ADAM12: variants seen among roughly 807,000 people sequenced by gnomAD.
ADAM12 encodes the protein ADAM metallopeptidase domain 12.
In ADAM12, 70 loss-of-function variants were observed where a neutral mutation model predicts 106.4. The observed-to-expected ratio is 0.66, with a 90% CI of 0.54 to 0.80. The LOEUF is 0.80. Among genes scored for constraint, ADAM12 ranks in the 30% least tolerant of loss-of-function variants. The pLI, the probability that ADAM12 is intolerant of heterozygous loss-of-function variation, is 0.00. For missense variants in ADAM12, 1,010 were observed against 1,171.9 expected (o/e 0.86, Z 2.02); for synonymous variants, 420 against 433.5 (o/e 0.97, Z 0.39).
At chr10:126,277,707 G>A (rs1049229619) in intron 3 of ADAM12, among the ~76,000 whole-genome samples, 2 of 152,058 alleles carry the variant, frequency 1.3e-5, no homozygotes, top group African/African-American at 4.8e-5. Context: ...TTAAGAGCAA[G>A]TCACAAGAAA....
chr10:126,254,433 T>C (rs1013067496), intron 3 of ADAM12, among the ~76,000 whole-genome samples: 1 of 152,178 alleles, frequency 6.6e-6, no homozygotes, highest in Admixed American at 6.5e-5. Flanking sequence ...GAACCTGCGG[T>C]CTGGTCAGCT....
At chr10:126,292,537 CA>C (rs1960199430) in intron 2 of ADAM12, among the ~76,000 whole-genome samples, 2 of 152,212 alleles carry the variant, frequency 1.3e-5, no homozygotes, top group Non-Finnish European at 2.9e-5. Context: ...AAGTTGGGTA[CA>C]AAGCCAAGGT....
chr10:126,327,103 ATG>A (rs1018286875), intron 2 of ADAM12, among the ~76,000 whole-genome samples: 4 of 105,340 alleles, frequency 3.8e-5, no homozygotes, highest in Non-Finnish European at 6.9e-5. Context: ...AAGAATGCAC[ATG>A]AGGAGAGAAT....
At chr10:126,277,590 AAT>A (rs1959329293) in intron 3 of ADAM12, among the ~76,000 whole-genome samples, 1 of 152,238 alleles carries the variant, frequency 6.6e-6, no homozygotes, top group Non-Finnish European at 1.5e-5. Context: ...TATGTAAAGA[AAT>A]AGAGTATGAA....
At chr10:126,033,284 A>G (rs1954001765) in intron 21 of ADAM12, among the ~76,000 whole-genome samples, 1 of 152,200 alleles carries the variant, frequency 6.6e-6, no homozygotes, top group South Asian at 2.1e-4. Context: ...TTGCCAGCAT[A>G]CCATTGGCTA....
At chr10:126,139,110 A>G (rs1346712596) in intron 4 of ADAM12, among the ~76,000 whole-genome samples, 3 of 152,218 alleles carry the variant, frequency 2.0e-5, no homozygotes, top group African/African-American at 4.8e-5. Context: ...TAAGCTACAC[A>G]ATAACCCATT....
chr10:126,343,914 C>G (rs898431533), intron 1 of ADAM12, among the ~76,000 whole-genome samples: 11 of 152,216 alleles, frequency 7.2e-5, no homozygotes, highest in Admixed American at 2.0e-4. Context: ...GTAGATTCTG[C>G]ATATTAGCCC....
At chr10:126,065,481 A>G (rs1954848404) in intron 13 of ADAM12, among the ~76,000 whole-genome samples, 2 of 152,350 alleles carry the variant, frequency 1.3e-5, no homozygotes, top group East Asian at 3.9e-4. Context: ...GTCAGTCGTC[A>G]AATCATAGAA....
At chr10:126,093,850 T>A in intron 11 of ADAM12, 135 bp downstream of exon 11, 1 of 1,376,340 alleles carries the variant, frequency 7.3e-7, no homozygotes, top group Non-Finnish European at 1.0e-6. Flanking sequence ...CCTTGCTTCT[T>A]GGGAAGGAAT....
intron 1 of ADAM12, among the ~76,000 whole-genome samples, chr10:126,342,162 T>C (rs1854952808): frequency 6.6e-6 from 1 of 152,118 alleles, no homozygotes; most frequent in African/African-American, 2.4e-5. Flanking sequence ...AGATGGGGAA[T>C]AAGGTGGGAC....
At chr10:126,140,982 C>T (rs944814219) in intron 4 of ADAM12, among the ~76,000 whole-genome samples, 1 of 152,206 alleles carries the variant, frequency 6.6e-6, no homozygotes, top group Non-Finnish European at 1.5e-5. Context: ...CCAGTCAAGA[C>T]AATCTCCAGG....
At chr10:126,039,555 G>A (rs559262614) in intron 18 of ADAM12, 126 bp from the exon 19 acceptor site, 293 of 1,097,670 alleles carry the variant, frequency 2.7e-4, no homozygotes, top group Admixed American at 2.8e-4. Flanking sequence ...ACACCCGTGA[G>A]TGATGTACTA....
intron 1 of ADAM12, among the ~76,000 whole-genome samples, chr10:126,331,814 G>A (rs1257070114): frequency 1.3e-5 from 2 of 152,186 alleles, no homozygotes; most frequent in East Asian, 1.9e-4. Context: ...GCATTCAAGC[G>A]AGAAGGGTTC....
intron 21 of ADAM12, among the ~76,000 whole-genome samples, chr10:126,034,451 A>G (rs1268541622): frequency 6.6e-6 from 1 of 152,228 alleles, no homozygotes; most frequent in Non-Finnish European, 1.5e-5. Context: ...AAAAACATAA[A>G]TGCAGATAAA....
intron 14 of ADAM12, among the ~76,000 whole-genome samples, chr10:126,063,714 T>A (rs566250961): frequency 2.3e-4 from 35 of 152,104 alleles, no homozygotes; most frequent in African/African-American, 8.2e-4. Flanking sequence ...CAGGACAGGG[T>A]GGGGCCTGCA....
At chr10:126,068,034 A>C (rs912787807) in intron 12 of ADAM12, among the ~76,000 whole-genome samples, 3 of 152,170 alleles carry the variant, frequency 2.0e-5, no homozygotes, top group Non-Finnish European at 4.4e-5. Flanking sequence ...AGACTTCCAA[A>C]GTTATTAAAT....
rs148761264 is a variant in ADAM12 at position 126,299,268 on chromosome 10, G to A, written c.187-20280C>T. ...AGAAGATTCCATGACCCCAGGCCTCGGCATGCCTGCCTGGAACTTCAGTCA... is the reference window on the plus strand; with the variant it reads ...AGAAGATTCCATGACCCCAGGCCTCAGCATGCCTGCCTGGAACTTCAGTCA... On this transcript the variant is annotated intron_variant, in intron 2 of 22. Transcript: ENST00000448723. Among the ~76,000 whole-genome samples the A allele has an allele frequency of 1.1e-4, 17 of 152,250 alleles. No individual in the cohort carries two copies. The East Asian group carries it at 2.9e-3, about 26-fold the overall frequency.
At chr10:126,091,354 G>A (rs1955461492) in intron 11 of ADAM12, among the ~76,000 whole-genome samples, 1 of 152,222 alleles carries the variant, frequency 6.6e-6, no homozygotes, top group Non-Finnish European at 1.5e-5. Context: ...GGTGATGGAT[G>A]ACTGAGGGTT....
At chr10:126,334,705 C>T (rs375855493) in intron 1 of ADAM12, among the ~76,000 whole-genome samples, 3 of 152,328 alleles carry the variant, frequency 2.0e-5, no homozygotes, top group African/African-American at 4.8e-5. Flanking sequence ...AGTCCTGCCC[C>T]ATCCTTGCTC....
Sources: allele counts gnomAD v4.1 joint callset (sites outside exome capture counted in the v4.1 genomes callset), GRCh38; gene constraint gnomAD v4.1.1; transcripts MANE v1.5; gene names NCBI Gene and HGNC (gene_info 2026-07-23, HGNC 2026-07-21).